The following TSC22D1 variants were observed in gnomAD, a reference collection of about 807,000 sequenced individuals.
TSC22D1 encodes the protein TSC22 domain family protein 1.
TSC22D1 carries 9 observed loss-of-function variants against 74.2 expected under a neutral mutation model. The observed-to-expected ratio is 0.12, with a 90% CI of 0.07 to 0.21. TSC22D1 has a LOEUF of 0.21. TSC22D1 is among the 10% of genes least tolerant of loss of function. TSC22D1 has a pLI of 1.00. For missense variants in TSC22D1, 1,427 were observed against 1,304.7 expected, an observed-to-expected ratio of 1.09 and a Z score of -1.44; for synonymous variants, 586 against 492.5, an observed-to-expected ratio of 1.19 and a Z score of -2.51.
chr13:44,574,104 T>A lies in TSC22D1; in HGVS notation c.1971A>T (p.Val657=). The part of the protein sequence containing the change: ...SVTQNPASEY[V]QQQPILQTAM... ...CTGTTTGAAGAATTGGCTGCTGTTGTACATACTCTGAAGCAGGATTTTGAG... is the reference window on the plus strand; with the variant it reads ...CTGTTTGAAGAATTGGCTGCTGTTGAACATACTCTGAAGCAGGATTTTGAG... The change falls in exon 1 of 3, where the codon GTA becomes GTT. Residue 657 remains valine (V), a synonymous_variant. Coordinates refer to ENST00000458659, the MANE Select transcript of TSC22D1 (RefSeq NM_183422.4). 1 of 1,614,248 alleles carries A rather than the reference T, an allele frequency of 6.2e-7. No homozygotes were observed. The highest frequency in any genetic ancestry group is 1.1e-5 in the South Asian group (1 of 91,092).
At chr13:44,551,567 C>T (rs1215296954) in intron 1 of TSC22D1, among the ~76,000 whole-genome samples, 3 of 152,168 alleles carry the variant, frequency 2.0e-5, no homozygotes, top group South Asian at 2.1e-4. Context: ...ATTACATAAG[C>T]GTGCCACCAC....
intron 1 of TSC22D1, among the ~76,000 whole-genome samples, chr13:44,505,118 G>T (rs1356316822): frequency 6.6e-6 from 1 of 152,116 alleles, no homozygotes; most frequent in East Asian, 1.9e-4. Flanking sequence ...CATCATCCTT[G>T]TATGATTTGG....
intron 1 of TSC22D1, among the ~76,000 whole-genome samples, chr13:44,437,838 T>C (rs1019095337): frequency 2.6e-5 from 4 of 152,190 alleles, no homozygotes; most frequent in Admixed American, 6.5e-5. Flanking sequence ...CTCTGCCCAT[T>C]TGCAGTGTCC....
At chr13:44,565,727 T>C (rs555512654) in intron 1 of TSC22D1, among the ~76,000 whole-genome samples, 90 of 152,168 alleles carry the variant, frequency 5.9e-4, no homozygotes, top group Non-Finnish European at 1.1e-3. Context: ...ACTTTCTCTT[T>C]TATCGAATTT....
At chr13:44,542,914 CTA>C (rs1338958640) in intron 1 of TSC22D1, among the ~76,000 whole-genome samples, 3 of 152,044 alleles carry the variant, frequency 2.0e-5, no homozygotes, top group African/African-American at 7.2e-5. Flanking sequence ...CAACATTCTT[CTA>C]TGTGATATTT....
intron 2 of TSC22D1, chr13:44,435,129 G>A: frequency 2.4e-6 from 1 of 423,876 alleles, no homozygotes; most frequent in Non-Finnish European, 4.2e-6. Flanking sequence ...AAACGCCCAA[G>A]TAAGGCTTCC....
intron 1 of TSC22D1, among the ~76,000 whole-genome samples, chr13:44,556,478 G>A (rs1236387559): frequency 1.3e-5 from 2 of 151,776 alleles, no homozygotes; most frequent in East Asian, 3.9e-4. Context: ...CCCAGGAAGC[G>A]GAGGTTGCAG....
chr13:44,446,107 C>T (rs750813588), intron 1 of TSC22D1, among the ~76,000 whole-genome samples: 36 of 152,174 alleles, frequency 2.4e-4, no homozygotes, highest in Admixed American at 8.5e-4. Context: ...TGGAAACAAA[C>T]CAAATGTCAC....
chr13:44,511,366 A>G (rs1223816923), intron 1 of TSC22D1, among the ~76,000 whole-genome samples: 1 of 152,186 alleles, frequency 6.6e-6, no homozygotes, highest in Non-Finnish European at 1.5e-5. Flanking sequence ...AGCTGAGCTC[A>G]TGTCACAGTA....
At chr13:44,449,541 C>A (rs1475686197) in intron 1 of TSC22D1, among the ~76,000 whole-genome samples, 5 of 152,092 alleles carry the variant, frequency 3.3e-5, no homozygotes, top group African/African-American at 1.2e-4. Context: ...ACTTTAAGAA[C>A]TTCTGTGGTG....
chr13:44,454,887 G>A (rs1876449807), intron 1 of TSC22D1, among the ~76,000 whole-genome samples: 1 of 152,198 alleles, frequency 6.6e-6, no homozygotes, highest in East Asian at 1.9e-4. Flanking sequence ...GTAATCTTCA[G>A]TCCCTTGAAA....
chr13:44,470,899 C>T (rs1473295627), intron 1 of TSC22D1, among the ~76,000 whole-genome samples: 1 of 152,236 alleles, frequency 6.6e-6, no homozygotes, highest in African/African-American at 2.4e-5. Context: ...CTCCACACTA[C>T]TGTTACTGAC....
Position 44,434,480 on chromosome 13 carries a change from GA to G in TSC22D1, c.*145del. 7.2e-7 allele frequency: 1 copy of G among 1,387,640 alleles called. No individual in the cohort carries two copies. The highest frequency in any genetic ancestry group is 9.3e-7 in the Non-Finnish European group (1 of 1,076,452). The allele number at this position is 1,387,640 out of a possible 1,614,324, so 86.0% of individuals were successfully genotyped here. A position where few individuals can be genotyped will look rare whatever the true frequency, so the allele number is the denominator to read the frequency against. ...ATAAGCATATGAGTGTTTAATACTGGAAAAGAGATAATGGCATATGTCAGTC... is the reference window on the plus strand; with the variant it reads ...ATAAGCATATGAGTGTTTAATACTGGAAAGAGATAATGGCATATGTCAGTC... On this transcript the variant is annotated 3_prime_UTR_variant, in exon 3 of 3. Coordinates refer to ENST00000458659, the MANE Select transcript of TSC22D1 (RefSeq NM_183422.4).
chr13:44,492,174 C>T (rs558474818), intron 1 of TSC22D1, among the ~76,000 whole-genome samples: 9 of 148,276 alleles, frequency 6.1e-5, no homozygotes, highest in African/African-American at 2.4e-4. Context: ...AAAATACTGT[C>T]AGTCAAAAAT....
intron 1 of TSC22D1, chr13:44,436,636 C>T (rs765366703): frequency 6.2e-7 from 1 of 1,602,856 alleles, no homozygotes; most frequent in East Asian, 2.2e-5. Context: ...CATGCAATTG[C>T]AGCCAAAAAC....
chr13:44,568,676 C>T (rs1252461230), intron 1 of TSC22D1, among the ~76,000 whole-genome samples: 2 of 152,226 alleles, frequency 1.3e-5, no homozygotes. Flanking sequence ...AATCCTTTAA[C>T]ACTTATTTGC....
At chr13:44,517,751 ATATG>A (rs1485506443) in intron 1 of TSC22D1, among the ~76,000 whole-genome samples, 3 of 106,854 alleles carry the variant, frequency 2.8e-5, no homozygotes, top group Admixed American at 9.9e-5. Flanking sequence ...ATATACGTAT[ATATG>A]TGTGTGTGTA....
chr13:44,456,173 G>C (rs555196460), intron 1 of TSC22D1, among the ~76,000 whole-genome samples: 2 of 152,290 alleles, frequency 1.3e-5, no homozygotes, highest in South Asian at 2.1e-4. Flanking sequence ...AGGTAGTGCA[G>C]ACCCAAAAAG....
chr13:44,563,405 G>A (rs1883173748), intron 1 of TSC22D1, among the ~76,000 whole-genome samples: 1 of 152,052 alleles, frequency 6.6e-6, no homozygotes, highest in African/African-American at 2.4e-5. Flanking sequence ...ACAAATTATA[G>A]AAATGCATAA....
Sources: gnomAD v4.1 joint callset for allele counts (sites outside exome capture counted in the v4.1 genomes callset) on GRCh38, gnomAD v4.1.1 for gene constraint, MANE v1.5 for transcripts, NCBI Gene and HGNC (gene_info 2026-07-23, HGNC 2026-07-21) for gene names.